FAM13A: variants seen among roughly 807,000 people sequenced by gnomAD.
The protein encoded by FAM13A is protein FAM13A.
A neutral mutation model predicts 129.6 loss-of-function variants in FAM13A; 76 were observed. The ratio of observed to expected loss-of-function variants is 0.59; its 90% CI spans 0.49 to 0.71. The LOEUF (loss-of-function observed/expected upper bound fraction) is 0.71, where lower values mean the gene tolerates loss of function less well. Among genes scored for constraint, FAM13A ranks in the 30% least tolerant of loss-of-function variants. The pLI is 0.00. For synonymous variants in FAM13A, 443 were observed against 449.9 expected (o/e 0.98, Z 0.20); for missense variants, 1,108 against 1,249.3 (o/e 0.89, Z 1.70).
chr4:89,013,914 G>A (rs1002843413), intron 3 of FAM13A, among the ~76,000 whole-genome samples: 1 of 152,126 alleles, frequency 6.6e-6, no homozygotes, highest in African/African-American at 2.4e-5. Flanking sequence ...AGTTTTCTCT[G>A]GGTACAAAGA....
intron 9 of FAM13A, among the ~76,000 whole-genome samples, chr4:88,789,639 C>G (rs1291453598): frequency 6.6e-6 from 1 of 152,128 alleles, no homozygotes; most frequent in Non-Finnish European, 1.5e-5. Flanking sequence ...ATGAACATGA[C>G]AGACAAGTTC....
intron 6 of FAM13A, among the ~76,000 whole-genome samples, chr4:88,878,055 C>G (rs12648534): frequency 6.6e-6 from 1 of 151,568 alleles, no homozygotes; most frequent in Non-Finnish European, 1.5e-5. Flanking sequence ...TTGGAAGGGC[C>G]GAGGCGGGCG....
chr4:88,959,369 A>T (rs1005793122), intron 4 of FAM13A, among the ~76,000 whole-genome samples: 1 of 152,112 alleles, frequency 6.6e-6, no homozygotes, highest in Non-Finnish European at 1.5e-5. Context: ...ATCATGGGGG[A>T]TGGTTCCCTC....
intron 11 of FAM13A, among the ~76,000 whole-genome samples, chr4:88,772,025 C>G (rs115603718): frequency 6.6e-6 from 1 of 152,164 alleles, no homozygotes; most frequent in African/African-American, 2.4e-5. Context: ...ACCTGTTTGA[C>G]CACTGACTGA....
chr4:89,037,712 G>C (rs550543998), intron 1 of FAM13A, among the ~76,000 whole-genome samples: 83 of 152,298 alleles, frequency 5.4e-4, no homozygotes, highest in African/African-American at 1.9e-3. Context: ...CCCAGTGTTG[G>C]AGAAGGGGCC....
At chr4:89,002,176 C>CCA (rs11382402) in intron 3 of FAM13A, among the ~76,000 whole-genome samples, 5 of 115,662 alleles carry the variant, frequency 4.3e-5, no homozygotes, top group Non-Finnish European at 9.0e-5. Context: ...CACCCAACGG[C>CCA]AAAAAAAAAA....
intron 1 of FAM13A, among the ~76,000 whole-genome samples, chr4:89,052,512 G>A (rs994679444): frequency 6.9e-5 from 9 of 130,166 alleles, no homozygotes; most frequent in African/African-American, 2.3e-4. Context: ...ACCAGGCACA[G>A]TAGTCCCTCC....
intron 6 of FAM13A, among the ~76,000 whole-genome samples, chr4:88,887,530 CTTTCTT>C (rs1458662541): frequency 2.3e-5 from 3 of 128,754 alleles, no homozygotes; most frequent in African/African-American, 5.7e-5. Context: ...ACCTTTCTTT[CTTTCTT>C]TTTTTTTTTT....
chr4:88,856,277 C>T (rs558617238), intron 6 of FAM13A, among the ~76,000 whole-genome samples: 2 of 151,456 alleles, frequency 1.3e-5, no homozygotes, highest in East Asian at 1.9e-4. Flanking sequence ...ACCAGGAGGT[C>T]GAGACAAGCC....
At chr4:89,016,200 A>AAC (rs1553923386) in intron 3 of FAM13A, among the ~76,000 whole-genome samples, 35 of 150,766 alleles carry the variant, frequency 2.3e-4, no homozygotes, top group East Asian at 2.1e-3. Flanking sequence ...AAAAAAAAAA[A>AAC]ACACAATTTT....
At chr4:88,789,688 A>G (rs2149670150) in intron 9 of FAM13A, among the ~76,000 whole-genome samples, 1 of 152,318 alleles carries the variant, frequency 6.6e-6, no homozygotes, top group East Asian at 1.9e-4. Flanking sequence ...AGGGCAAGAT[A>G]GATAATAAAG....
intron 4 of FAM13A, among the ~76,000 whole-genome samples, chr4:88,984,390 G>A (rs1761993864): frequency 6.6e-6 from 1 of 152,132 alleles, no homozygotes; most frequent in Non-Finnish European, 1.5e-5. Context: ...TACAAGTCCT[G>A]TACCTGATAA....
chr4:88,922,182 A>T (rs1751230498), intron 5 of FAM13A, among the ~76,000 whole-genome samples: 1 of 152,114 alleles, frequency 6.6e-6, no homozygotes, highest in African/African-American at 2.4e-5. Context: ...AATTGAACTC[A>T]GCTCTGCACC....
intron 4 of FAM13A, among the ~76,000 whole-genome samples, chr4:88,987,702 C>T (rs531986870): frequency 7.9e-5 from 12 of 151,692 alleles, no homozygotes; most frequent in Admixed American, 2.6e-4. Flanking sequence ...ATTAGCCAGG[C>T]GTGGTGGCGG....
intron 4 of FAM13A, among the ~76,000 whole-genome samples, chr4:88,975,420 C>G (rs1193203398): frequency 2.6e-5 from 4 of 151,922 alleles, no homozygotes; most frequent in Non-Finnish European, 2.9e-5. Context: ...AATAAACATG[C>G]CTCAATATAT....
chr4:88,998,309 A>T (rs1027084790), intron 3 of FAM13A, among the ~76,000 whole-genome samples: 1 of 152,204 alleles, frequency 6.6e-6, no homozygotes, highest in Non-Finnish European at 1.5e-5. Flanking sequence ...GACTAGACTG[A>T]AATAGAGAGA....
At chr4:89,052,705 T>C (rs989689837) in intron 1 of FAM13A, among the ~76,000 whole-genome samples, 1 of 152,204 alleles carries the variant, frequency 6.6e-6, no homozygotes, top group Middle Eastern at 3.4e-3. Flanking sequence ...GGCCACACTT[T>C]TAGTGTTCCC....
At chr4:89,027,111 CA>C (rs1002014654) in intron 2 of FAM13A, among the ~76,000 whole-genome samples, 16 of 152,148 alleles carry the variant, frequency 1.1e-4, no homozygotes, top group Non-Finnish European at 1.9e-4. Context: ...TGGATAGTAC[CA>C]AACCCTATAT....
At chr4:88,991,276 T>G in intron 3 of FAM13A, 126 bp from the exon 4 acceptor site, 6 of 626,314 alleles carry the variant, frequency 9.6e-6, no homozygotes, top group Non-Finnish European at 1.1e-5. Context: ...AGATAGGCCT[T>G]GTGTATTTGA....
Sources: allele counts gnomAD v4.1 joint callset (sites outside exome capture counted in the v4.1 genomes callset), GRCh38; gene constraint gnomAD v4.1.1; transcripts MANE v1.5; gene names NCBI Gene and HGNC (gene_info 2026-07-23, HGNC 2026-07-21).